CLUH: variants seen among roughly 807,000 people sequenced by gnomAD.
CLUH encodes the protein CLUH binding protein of NUMT mRNA, also known as clustered mitochondria protein homolog.
A neutral mutation model predicts 139.3 loss-of-function variants in CLUH; 77 were observed. That is an observed-to-expected ratio of 0.55 (90% CI 0.46 to 0.67). The LOEUF is 0.67. CLUH is among the 30% of genes least tolerant of loss of function. The pLI, the probability that CLUH is intolerant of heterozygous loss-of-function variation, is 0.00. For synonymous variants in CLUH, 999 were observed against 801.6 expected, an observed-to-expected ratio of 1.25 and a Z score of -4.16; for missense variants, 1,876 against 1,875.8, an observed-to-expected ratio of 1.00 and a Z score of 0.00.
At chr17:2,696,674 C>T (rs760462790) in intron 11 of CLUH, 45 bp downstream of exon 11, 10 of 1,600,804 alleles carry the variant, frequency 6.2e-6, no homozygotes, top group Non-Finnish European at 8.5e-6. Flanking sequence ...GCCACCCTGG[C>T]AGGGCCAGCC....
Position 2,694,119 on chromosome 17 carries a change from A to T in CLUH, c.3091+4T>A. The stretch of plus-strand genomic sequence containing the variant: ...CCTCCACCCAGCCCCACCTGGCCAC[A>T]CACCCTGCTGCACTTTGGCCTGCCC... On this transcript the variant is annotated splice_donor_region_variant and intron_variant, in intron 18 of 25. Coordinates refer to ENST00000651024, the MANE Select transcript of CLUH (RefSeq NM_001366661.1). 2 of 1,613,756 alleles carry T rather than the reference A, an allele frequency of 1.2e-6. No homozygotes were observed. Among genetic ancestry groups the T allele is most frequent in the Non-Finnish European group, 1.7e-6 (2 of 1,179,810 alleles).
intron 1 of CLUH, among the ~76,000 whole-genome samples, chr17:2,709,953 G>A (rs1373642735): frequency 2.7e-5 from 3 of 110,848 alleles, no homozygotes; most frequent in Non-Finnish European, 5.7e-5. Context: ...GTTTACCCCC[G>A]ACAGAGCCCC....
At chr17:2,698,735 T>C in intron 9 of CLUH, 145 bp from the exon 10 acceptor site, 1 of 745,572 alleles carries the variant, frequency 1.3e-6, no homozygotes, top group Non-Finnish European at 2.1e-6. Flanking sequence ...TCCTCATATG[T>C]AGAAAAGGGC....
chr17:2,710,453 G>C (rs892395258), intron 1 of CLUH, among the ~76,000 whole-genome samples: 1 of 152,220 alleles, frequency 6.6e-6, no homozygotes, highest in African/African-American at 2.4e-5. Flanking sequence ...CAGCCCTGGC[G>C]CACTCACTGA....
rs1159519474 is a variant in CLUH, at chr17:2,696,857, C to G, written c.2047G>C (p.Gly683Arg). 6.2e-7 allele frequency: 1 copy of G among 1,613,506 alleles called. No individual in the cohort carries two copies. The highest frequency in any genetic ancestry group is 1.3e-5 in the African/African-American group (1 of 75,054). The part of the protein sequence containing the change: ...QLETPSSLEN[G>R]GPSSLESKSE... ...TTGGACTCCAAGGAGGAAGGACCAC[C>G]ATTTTCCAGGGAGGAGGGGGTCTCC... Residue 683 changes from glycine to arginine, a missense_variant, in exon 11 of 26, where the codon GGT becomes CGT. Gly to Arg is a moderately radical substitution (Grantham distance 125). Transcript: ENST00000651024.
rs758768004 is a variant in CLUH at position 2,695,026 on chromosome 17, C to A, written c.2683G>T (p.Val895Leu). Reference sequence around the variant, plus strand: ...AGCTCGTCGGCGGGCAGGTGGGCCACGGGGTTTGGGTAGGAGCTCAGGAAG... The same window carrying A: ...AGCTCGTCGGCGGGCAGGTGGGCCAAGGGGTTTGGGTAGGAGCTCAGGAAG... The part of the protein sequence containing the change: ...NCFLSSYPNP[V>L]AHLPADELVS... Residue 895 changes from valine (V) to leucine (L), a missense_variant, in exon 16 of 26, where the codon GTG becomes TTG. Transcript: ENST00000651024. The A allele has an allele frequency of 1.2e-6, 2 of 1,613,402 alleles. No homozygotes were observed. The highest frequency in any genetic ancestry group is 2.2e-5 in the East Asian group (1 of 44,884).
At chr17:2,697,263 G>A (rs2069986583) in intron 10 of CLUH, among the ~76,000 whole-genome samples, 1 of 152,194 alleles carries the variant, frequency 6.6e-6, no homozygotes, top group African/African-American at 2.4e-5. Flanking sequence ...GCTGGGCGTG[G>A]TGGTGCACGC....
intron 14 of CLUH, 45 bp from the exon 15 acceptor site, chr17:2,695,325 C>CA: frequency 1.9e-6 from 3 of 1,613,520 alleles, no homozygotes; most frequent in Non-Finnish European, 2.5e-6. Context: ...CCCCGGCCTC[C>CA]ATCCCAGTCC....
At chr17:2,695,332 G>GC in intron 14 of CLUH, 42 bp downstream of exon 14, 1 of 1,613,318 alleles carries the variant, frequency 6.2e-7, no homozygotes, top group Non-Finnish European at 8.5e-7. Flanking sequence ...CTCCATCCCA[G>GC]TCCCACAGCT....
Position 2,696,787 on chromosome 17 carries a change from CCCT to C in CLUH, c.2114_2116del (p.Glu705del), listed in dbSNP as rs1327615658. On this transcript the variant is annotated inframe_deletion, in exon 11 of 26. Coordinates refer to ENST00000651024, the MANE Select transcript of CLUH (RefSeq NM_001366661.1). ...CTTGGCCAGGCCGCTGGCGCTGCTA[CCCT>C]CCTCCTCACTTCCCGCCTCCTGTCC... 13 of 1,612,998 alleles carry C rather than the reference CCCT, an allele frequency of 8.1e-6. No homozygotes were observed. Among genetic ancestry groups the C allele is most frequent in the Admixed American group, 1.7e-5 (1 of 60,006 alleles).
Position 2,691,615 on chromosome 17 carries a change from G to GGAAT in CLUH, c.3853_3856dup (p.Pro1286HisfsTer30). On this transcript the variant is annotated frameshift_variant, in exon 25 of 26. Coordinates refer to ENST00000651024, the MANE Select transcript of CLUH (RefSeq NM_001366661.1). LOFTEE classifies it high-confidence loss of function. ...AGTGGGGCGGAGGCCTCACCTGAGA[G>GGAAT]GAATGAAGAGGATGCCGTTAATGAC... 1 of 1,612,380 alleles carries GGAAT rather than the reference G, an allele frequency of 6.2e-7. No homozygotes were observed. The highest frequency in any genetic ancestry group is 8.5e-7 in the Non-Finnish European group (1 of 1,179,320).
Position 2,696,526 on chromosome 17 carries a change from C to T in CLUH, c.2198G>A (p.Ser733Asn). 6.4e-7 allele frequency: 1 copy of T among 1,571,746 alleles called. No individual in the cohort carries two copies. Among genetic ancestry groups the T allele is most frequent in the South Asian group, 1.2e-5 (1 of 86,096 alleles). ...AADDGTADPR[S>N]REVIRNACKA... is the part of the protein sequence containing the mutation. ...GCACGCGTTGCGGATCACCTCCCGG[C>T]TCCGAGGGTCTGCTGTGGAGACATG... The change falls in exon 12 of 26, where the codon AGC becomes AAC. Residue 733 changes from serine to asparagine, a missense_variant. Coordinates refer to ENST00000651024, the MANE Select transcript of CLUH (RefSeq NM_001366661.1).
At chr17:2,696,601 C>G (rs2069955964) in intron 11 of CLUH, 63 bp from the exon 12 acceptor site, 1 of 1,530,628 alleles carries the variant, frequency 6.5e-7, no homozygotes. Flanking sequence ...TGGGCTGCGC[C>G]AAGCCTCGCC....
Position 2,693,925 on chromosome 17 carries a change from T to C in CLUH, c.3206A>G (p.His1069Arg), listed in dbSNP as rs1187092215. 1 of 1,613,418 alleles carries C rather than the reference T, an allele frequency of 6.2e-7. No individual in the cohort carries two copies. Among genetic ancestry groups the C allele is most frequent in the Admixed American group, 1.7e-5 (1 of 59,928 alleles). Residue 1069 changes from histidine to arginine, a missense_variant, in exon 19 of 26, where the codon CAC (histidine) becomes CGC (arginine). This residue lies in a region of CLUH where 1,454 missense variants were observed against 1,384.4 expected (regional missense o/e 1.05). Coordinates refer to ENST00000651024, the MANE Select transcript of CLUH (RefSeq NM_001366661.1). ...CACLRLLARL[H>R]YIMGDYAEAL... Reference sequence around the variant, plus strand: ...CTCTGCGTAGTCGCCCATGATGTAGTGGAGGCGGGCGAGGAGGCGCAGGCA... The same window carrying C: ...CTCTGCGTAGTCGCCCATGATGTAGCGGAGGCGGGCGAGGAGGCGCAGGCA...
rs1030426340 is a variant in CLUH, at chr17:2,706,511, C to T, written c.101-1947G>A. Among the ~76,000 whole-genome samples the T allele has an allele frequency of 6.6e-6, 1 of 152,116 alleles. No individual in the cohort carries two copies. The highest frequency in any genetic ancestry group is 1.5e-5 in the Non-Finnish European group (1 of 68,014). On this transcript the variant is annotated intron_variant, in intron 1 of 25. Coordinates refer to ENST00000651024, the MANE Select transcript of CLUH (RefSeq NM_001366661.1). This position sits in a 1 kb window ranked among gnomAD's most constrained non-coding sequence, Gnocchi z 4.6. ...GTGCATGTCATGGCTCTCCACCCCACCCTCTCCAAGCCTGCAGTGGACTCC... is the reference window on the plus strand; with the variant it reads ...GTGCATGTCATGGCTCTCCACCCCATCCTCTCCAAGCCTGCAGTGGACTCC...
intron 25 of CLUH, among the ~76,000 whole-genome samples, chr17:2,691,334 C>T (rs996380921): frequency 2.0e-5 from 3 of 152,066 alleles, no homozygotes; most frequent in Admixed American, 1.3e-4. Context: ...GAGGCCGAGG[C>T]GGGCGGATCG....
At chr17:2,694,825 C>T (rs2069866683) in intron 16 of CLUH, 32 bp downstream of exon 16, 1 of 1,430,904 alleles carries the variant, frequency 7.0e-7, no homozygotes, top group Non-Finnish European at 9.3e-7. Context: ...TGCCCAATCC[C>T]ACCCACCCCA....
At position 2,700,478 on chromosome 17, in the gene CLUH, CAG is replaced by C. The variant is rs760277816; in HGVS notation, c.1174-6_1174-5del. ...GCTCCTCATTCCAGTCTCGGGTCTG[CAG>C]AGAGATCAGGGAGGGAAAAACGAGC... On this transcript the variant is annotated splice_region_variant and splice_polypyrimidine_tract_variant and intron_variant, in intron 8 of 25. Transcript: ENST00000651024. 11 of 1,609,374 alleles carry C rather than the reference CAG, an allele frequency of 6.8e-6. No individual in the cohort carries two copies. Among genetic ancestry groups the C allele is most frequent in the Admixed American group, 1.7e-5 (1 of 59,668 alleles).
intron 24 of CLUH, 27 bp downstream of exon 24, chr17:2,691,734 G>A (rs755237676): frequency 1.1e-5 from 18 of 1,600,608 alleles, no homozygotes; most frequent in East Asian, 6.8e-5. Flanking sequence ...TCGCCGGGCC[G>A]GAGGGGCCGC....
Sources: allele counts gnomAD v4.1 joint callset (sites outside exome capture counted in the v4.1 genomes callset), GRCh38; gene constraint gnomAD v4.1.1; regional missense constraint gnomAD v4.1.1; non-coding constraint Gnocchi (gnomAD v3.1); transcripts MANE v1.5; gene names NCBI Gene and HGNC (gene_info 2026-07-23, HGNC 2026-07-21).